The following RAPGEF4 variants were observed in gnomAD, a reference collection of about 807,000 sequenced individuals.
RAPGEF4 encodes the protein RAP guanine-nucleotide-exchange factor (GEF) 4.
Under a neutral mutation model 147.9 loss-of-function variants are expected in RAPGEF4, and 66 were observed. That is an observed-to-expected ratio of 0.45 (90% CI 0.37 to 0.55). The LOEUF (loss-of-function observed/expected upper bound fraction) is 0.55, where lower values mean the gene tolerates loss of function less well. RAPGEF4 is among the 20% of genes least tolerant of loss of function. The pLI, the probability that RAPGEF4 is intolerant of heterozygous loss-of-function variation, is 0.00. For synonymous variants in RAPGEF4, 419 were observed against 442.7 expected (o/e 0.95, Z 0.67); for missense variants, 1,071 against 1,257.3 (o/e 0.85, Z 2.24).
chr2:172,861,363 G>A (rs758094956), intron 4 of RAPGEF4, among the ~76,000 whole-genome samples: 48 of 152,236 alleles, frequency 3.2e-4, no homozygotes, highest in Non-Finnish European at 5.6e-4. Context: ...CTGTCCACAT[G>A]TTATTTCAAA....
chr2:172,799,664 A>G (rs1419476175), intron 3 of RAPGEF4, among the ~76,000 whole-genome samples: 1 of 152,156 alleles, frequency 6.6e-6, no homozygotes, highest in East Asian at 1.9e-4. Context: ...TGGTTCCTGA[A>G]TGAGTGATAA....
intron 4 of RAPGEF4, among the ~76,000 whole-genome samples, chr2:172,888,128 G>T (rs964173602): frequency 2.0e-5 from 3 of 152,222 alleles, no homozygotes; most frequent in Non-Finnish European, 2.9e-5. Context: ...ATAACTGGGG[G>T]TGTTGAATAT....
rs1684797543 is a variant in RAPGEF4, at chr2:173,041,821, G to T, written c.2853+5129G>T. On this transcript the variant is annotated intron_variant, in intron 29 of 30. Coordinates refer to ENST00000397081, the MANE Select transcript of RAPGEF4 (RefSeq NM_007023.4). ...GTTTTTTGTACTAGCTGTTACCTTT[G>T]CCTGAAATTGTCTTCCCCCAGTTGT... 2.0e-5 allele frequency among the ~76,000 whole-genome samples: 3 copies of T among 152,078 alleles called. No individual in the cohort carries two copies. In the South Asian group the frequency reaches 6.2e-4, roughly 32 times the overall value.
chr2:172,910,850 G>A (rs1245984759), intron 4 of RAPGEF4, among the ~76,000 whole-genome samples: 1 of 152,244 alleles, frequency 6.6e-6, no homozygotes, highest in African/African-American at 2.4e-5. Context: ...AAGTCACACA[G>A]CATCACATCC....
At chr2:172,892,518 C>T (rs142096094) in intron 4 of RAPGEF4, among the ~76,000 whole-genome samples, 1 of 152,354 alleles carries the variant, frequency 6.6e-6, no homozygotes, top group East Asian at 1.9e-4. Flanking sequence ...ACAGCCTAAA[C>T]TCCAGATCGT....
At chr2:172,858,679 A>T (rs969808501) in intron 4 of RAPGEF4, among the ~76,000 whole-genome samples, 1 of 152,226 alleles carries the variant, frequency 6.6e-6, no homozygotes, top group Non-Finnish European at 1.5e-5. Flanking sequence ...TTAAATTTTT[A>T]AAATAATTTA....
intron 4 of RAPGEF4, among the ~76,000 whole-genome samples, chr2:172,829,976 A>C (rs574754583): frequency 2.0e-5 from 3 of 151,812 alleles, no homozygotes; most frequent in Non-Finnish European, 4.4e-5. Flanking sequence ...TATATATTCC[A>C]TATATAATAC....
At chr2:173,040,878 A>G (rs1015548168) in intron 29 of RAPGEF4, among the ~76,000 whole-genome samples, 1 of 152,232 alleles carries the variant, frequency 6.6e-6, no homozygotes, top group Non-Finnish European at 1.5e-5. Flanking sequence ...TATGGCATAC[A>G]TGAATATTTA....
intron 4 of RAPGEF4, among the ~76,000 whole-genome samples, chr2:172,825,087 A>T (rs1689518620): frequency 6.6e-6 from 1 of 152,172 alleles, no homozygotes; most frequent in African/African-American, 2.4e-5. Context: ...ATGCTCCTCG[A>T]CTTATGATGG....
At chr2:173,030,372 A>T in intron 26 of RAPGEF4, 118 bp downstream of exon 26, 2 of 791,502 alleles carry the variant, frequency 2.5e-6, no homozygotes, top group South Asian at 3.2e-5. Flanking sequence ...GAAAGGTGGG[A>T]CACTTGGAGG....
At chr2:172,801,255 T>C (rs1686947597) in intron 3 of RAPGEF4, among the ~76,000 whole-genome samples, 1 of 152,028 alleles carries the variant, frequency 6.6e-6, no homozygotes, top group Non-Finnish European at 1.5e-5. Flanking sequence ...AGGAGGATGA[T>C]AAAAGTGAAG....
intron 1 of RAPGEF4, among the ~76,000 whole-genome samples, chr2:172,756,760 C>T (rs537367234): frequency 3.9e-4 from 60 of 152,258 alleles, no homozygotes; most frequent in African/African-American, 1.4e-3. Context: ...TCTGAGCTAA[C>T]GTGTTAAAGA....
intron 1 of RAPGEF4, among the ~76,000 whole-genome samples, chr2:172,787,280 G>T (rs887375547): frequency 1.3e-5 from 2 of 151,950 alleles, no homozygotes; most frequent in Non-Finnish European, 2.9e-5. Context: ...CTAATAAAAT[G>T]GTCTTTTTTG....
chr2:172,937,757 A>C (rs1363859389), intron 6 of RAPGEF4, among the ~76,000 whole-genome samples: 2 of 150,942 alleles, frequency 1.3e-5, no homozygotes, highest in Non-Finnish European at 3.0e-5. Flanking sequence ...TTCCTCTGTG[A>C]GGGGGATTTG....
intron 5 of RAPGEF4, among the ~76,000 whole-genome samples, chr2:172,920,703 T>C (rs983358483): frequency 1.3e-5 from 2 of 152,156 alleles, no homozygotes; most frequent in African/African-American, 4.8e-5. Flanking sequence ...TACTCATATA[T>C]GGTGATTTGT....
Position 172,996,568 on chromosome 2 carries a change from A to T in RAPGEF4, c.1579+14A>T. On this transcript the variant is annotated intron_variant, in intron 16 of 30. Coordinates refer to ENST00000397081, the MANE Select transcript of RAPGEF4 (RefSeq NM_007023.4). ...ATGAAGCAACAGGTATACACATAGA[A>T]CCGTTTGCATGTCCATTAAATCCAT... 6.6e-7 allele frequency: 1 copy of T among 1,506,870 alleles called. No homozygotes were observed. The highest frequency in any genetic ancestry group is 9.0e-7 in the Non-Finnish European group (1 of 1,110,402). 93.3% of individuals were successfully genotyped at this position (1,506,870 alleles called of 1,614,324 possible).
intron 29 of RAPGEF4, chr2:173,048,329 A>T: frequency 1.9e-6 from 1 of 540,422 alleles, no homozygotes. Context: ...CAGGCATGAT[A>T]GATGTTTTTT....
intron 6 of RAPGEF4, among the ~76,000 whole-genome samples, chr2:172,936,442 T>C (rs1293221755): frequency 6.6e-6 from 1 of 152,224 alleles, no homozygotes; most frequent in East Asian, 1.9e-4. Flanking sequence ...GGAAAATGTA[T>C]ACAAATAGAA....
At chr2:172,946,698 T>G (rs13026466) in intron 6 of RAPGEF4, among the ~76,000 whole-genome samples, 47,485 of 152,076 alleles carry the variant, frequency 0.31, 8,093 homozygotes, top group Middle Eastern at 0.4. Context: ...CCTGGACAAC[T>G]GTTGCTCTTC....
Sources: allele counts gnomAD v4.1 joint callset (sites outside exome capture counted in the v4.1 genomes callset), GRCh38; gene constraint gnomAD v4.1.1; transcripts MANE v1.5; gene names NCBI Gene and HGNC (gene_info 2026-07-23, HGNC 2026-07-21).